Variants in NAV2 observed in about 807,000 individuals in gnomAD.
The protein encoded by NAV2 is helicase, APC down-regulated 1.
NAV2 carries 54 observed loss-of-function variants against 223.2 expected under a neutral mutation model. The observed-to-expected ratio is 0.24, with a 90% CI of 0.19 to 0.30. NAV2 has a LOEUF of 0.30. NAV2 is among the 10% of genes least tolerant of loss of function. The pLI, the probability that NAV2 is intolerant of heterozygous loss-of-function variation, is 1.00. For synonymous variants in NAV2, 1,279 were observed against 1,239.3 expected (o/e 1.03, Z -0.67); for missense variants, 2,806 against 3,147.5 (o/e 0.89, Z 2.60).
At chr11:19,421,315 G>A (rs1337410840) in intron 1 of NAV2, among the ~76,000 whole-genome samples, 1 of 152,150 alleles carries the variant, frequency 6.6e-6, no homozygotes, top group Non-Finnish European at 1.5e-5. Context: ...ATCCATCACA[G>A]AGGACCAGAG....
chr11:19,580,263 A>G (rs1475666708), intron 1 of NAV2, among the ~76,000 whole-genome samples: 1 of 152,102 alleles, frequency 6.6e-6, no homozygotes, highest in Non-Finnish European at 1.5e-5. Context: ...ATTGTCCTGT[A>G]GCCAGATTGA....
intron 1 of NAV2, among the ~76,000 whole-genome samples, chr11:19,590,476 C>T (rs1246076856): frequency 6.6e-6 from 1 of 152,150 alleles, no homozygotes; most frequent in Non-Finnish European, 1.5e-5. Flanking sequence ...CTTTAAGCTC[C>T]AGGAAACCCA....
chr11:19,420,628 C>T (rs1850571760), intron 1 of NAV2, among the ~76,000 whole-genome samples: 1 of 152,106 alleles, frequency 6.6e-6, no homozygotes, highest in Non-Finnish European at 1.5e-5. Context: ...TAATGTTGAA[C>T]AAAAGAAGCC....
intron 7 of NAV2, among the ~76,000 whole-genome samples, chr11:19,937,591 G>A (rs1348332598): frequency 6.6e-6 from 1 of 152,232 alleles, no homozygotes; most frequent in African/African-American, 2.4e-5. Context: ...AGATGAGGAT[G>A]CTGAGATTCA....
chr11:19,972,835 A>G (rs891257815), intron 10 of NAV2, among the ~76,000 whole-genome samples: 2 of 152,206 alleles, frequency 1.3e-5, no homozygotes, highest in Non-Finnish European at 2.9e-5. Context: ...CACCCAGGCT[A>G]GTGCCTGCCT....
At chr11:19,663,767 C>T (rs1270964828) in intron 1 of NAV2, among the ~76,000 whole-genome samples, 1 of 152,216 alleles carries the variant, frequency 6.6e-6, no homozygotes, top group East Asian at 1.9e-4. Flanking sequence ...CCTCTTCCAT[C>T]TTGGATTCCA....
At chr11:20,065,331 CAGT>C (rs1248558087) in intron 20 of NAV2, among the ~76,000 whole-genome samples, 1 of 152,032 alleles carries the variant, frequency 6.6e-6, no homozygotes, top group Non-Finnish European at 1.5e-5. Flanking sequence ...TATTGGATGA[CAGT>C]AGATTCTTTC....
chr11:19,732,587 T>C (rs2051896382), intron 1 of NAV2, among the ~76,000 whole-genome samples: 1 of 152,176 alleles, frequency 6.6e-6, no homozygotes. Context: ...CAAGGAGGCA[T>C]AGCCAGAGAG....
At chr11:19,757,059 A>T (rs1029078949) in intron 1 of NAV2, among the ~76,000 whole-genome samples, 20 of 152,108 alleles carry the variant, frequency 1.3e-4, no homozygotes, top group Non-Finnish European at 2.8e-4. Context: ...TGCCCAGAGA[A>T]CACACTGTGC....
chr11:20,095,819 G>A (rs2061222866), intron 30 of NAV2, 52 bp downstream of exon 30: 5 of 1,334,168 alleles, frequency 3.7e-6, no homozygotes, highest in Non-Finnish European at 5.4e-6. Flanking sequence ...TGGGCATCCG[G>A]GCCTGGGGAG....
intron 26 of NAV2, among the ~76,000 whole-genome samples, chr11:20,088,038 A>G (rs1173733035): frequency 6.6e-6 from 1 of 152,184 alleles, no homozygotes; most frequent in Non-Finnish European, 1.5e-5. Context: ...GCAGCCAAGC[A>G]GAGGTAACAT....
At chr11:19,704,168 G>C (rs140809612) in intron 1 of NAV2, among the ~76,000 whole-genome samples, 1 of 152,022 alleles carries the variant, frequency 6.6e-6, no homozygotes, top group Non-Finnish European at 1.5e-5. Context: ...CGAACATCAC[G>C]CAAAGACCAC....
At chr11:19,546,520 G>T (rs1019121903) in intron 1 of NAV2, among the ~76,000 whole-genome samples, 1 of 152,200 alleles carries the variant, frequency 6.6e-6, no homozygotes, top group African/African-American at 2.4e-5. Flanking sequence ...GCCACCTGCA[G>T]GGTGGGGCGG....
At chr11:19,941,352 A>G (rs1430731329) in intron 8 of NAV2, among the ~76,000 whole-genome samples, 2 of 151,646 alleles carry the variant, frequency 1.3e-5, no homozygotes, top group Non-Finnish European at 2.9e-5. Context: ...TTGGTCGCTA[A>G]CAAAAATTCC....
At chr11:19,527,556 A>T (rs769253051) in intron 1 of NAV2, among the ~76,000 whole-genome samples, 1 of 151,980 alleles carries the variant, frequency 6.6e-6, no homozygotes, top group Non-Finnish European at 1.5e-5. Flanking sequence ...GTGGACAGAC[A>T]TCAGGCTCTC....
intron 1 of NAV2, among the ~76,000 whole-genome samples, chr11:19,363,554 C>T (rs572618702): frequency 2.6e-5 from 4 of 152,318 alleles, no homozygotes; most frequent in South Asian, 2.1e-4. Flanking sequence ...TTTCTATCCA[C>T]GGAATACTTC....
chr11:19,723,740 G>A (rs1335413566), intron 1 of NAV2, among the ~76,000 whole-genome samples: 2 of 152,212 alleles, frequency 1.3e-5, no homozygotes, highest in East Asian at 1.9e-4. Flanking sequence ...GGTGACCCCC[G>A]TGCTGCCGGC....
At chr11:20,010,047 T>C (rs115738095) in intron 11 of NAV2, among the ~76,000 whole-genome samples, 2,827 of 152,298 alleles carry the variant, frequency 0.019, 88 homozygotes, top group African/African-American at 0.061. Flanking sequence ...TGTTCACCAG[T>C]GTTTCCTCAT....
intron 1 of NAV2, among the ~76,000 whole-genome samples, chr11:19,387,157 A>G (rs998143115): frequency 6.6e-6 from 1 of 152,204 alleles, no homozygotes; most frequent in African/African-American, 2.4e-5. Flanking sequence ...TACACGAGAC[A>G]GTTGATTGGT....
Sources: gnomAD v4.1 joint callset for allele counts (sites outside exome capture counted in the v4.1 genomes callset) on GRCh38, gnomAD v4.1.1 for gene constraint, MANE v1.5 for transcripts, NCBI Gene and HGNC (gene_info 2026-07-23, HGNC 2026-07-21) for gene names.